Variants in DCPS observed in about 807,000 individuals in gnomAD.
DCPS encodes the protein m7GpppX diphosphatase.
Under a neutral mutation model 34.7 loss-of-function variants are expected in DCPS, and 27 were observed. The observed-to-expected ratio is 0.78, with a 90% confidence interval of 0.57 to 1.07. The LOEUF (loss-of-function observed/expected upper bound fraction) is 1.07. DCPS is among the 50% of genes least tolerant of loss of function. DCPS has a pLI of 0.00. For missense variants in DCPS, 464 were observed against 436.9 expected, an observed-to-expected ratio of 1.06 and a Z score of -0.55; for synonymous variants, 185 against 185.7, an observed-to-expected ratio of 1.00 and a Z score of 0.03.
chr11:126,338,045 C>A lies in DCPS; in HGVS notation c.523-241C>A. The A allele has an allele frequency of 1.9e-6, 1 of 535,140 alleles. No individual in the cohort carries two copies. Among genetic ancestry groups the A allele is most frequent in the Non-Finnish European group, 3.4e-6 (1 of 296,340 alleles). 33.1% of individuals were successfully genotyped at this position (535,140 alleles called of 1,614,324 possible). On this transcript the variant is annotated intron_variant, in intron 3 of 5. Transcript: ENST00000263579. This position sits in a 1 kb window ranked among gnomAD's most constrained non-coding sequence, Gnocchi z 5.4. ...CCTGGCCCCTTCCAAGCTGCAGAGA[C>A]CCTTGTGATGACGCATGGCTGAGTG...
chr11:126,319,353 A>G lies in DCPS; in HGVS notation c.377-12052A>G, dbSNP rs1951686203. 1.3e-5 allele frequency among the ~76,000 whole-genome samples: 2 copies of G among 152,154 alleles called. No individual in the cohort carries two copies. Among genetic ancestry groups the G allele is most frequent in the Non-Finnish European group, 2.9e-5 (2 of 68,034 alleles). ...AGGATGGTACCACAAATGTAGGCCA[A>G]AACAGCTATTGTTTCTAGTTGTGAG... is the stretch of plus-strand genomic sequence containing the variant. On this transcript the variant is annotated intron_variant, in intron 2 of 5. Coordinates refer to ENST00000263579, the MANE Select transcript of DCPS (RefSeq NM_014026.6). The surrounding 1 kb of genome is among the most constrained non-coding windows in gnomAD (Gnocchi z 4.5).
Position 126,334,206 on chromosome 11 carries a change from A to G in DCPS, c.522+2656A>G, listed in dbSNP as rs1043177510. ...ATAGAAGGATAATTCATGACCCAGT[A>G]TAGGGGACAGAAACAGAAGAGTGGG... On this transcript the variant is annotated intron_variant, in intron 3 of 5. Transcript: ENST00000263579. The surrounding 1 kb of genome is among the most constrained non-coding windows in gnomAD (Gnocchi z 5.5). Among the ~76,000 whole-genome samples the G allele has an allele frequency of 1.3e-5, 2 of 152,204 alleles. No homozygotes were observed. The highest frequency in any genetic ancestry group is 6.5e-5 in the Admixed American group (1 of 15,270).
At position 126,337,916 on chromosome 11, in the gene DCPS, CCT is replaced by C. The variant is rs965051222; in HGVS notation, c.523-369_523-368del. On this transcript the variant is annotated intron_variant, in intron 3 of 5. Coordinates refer to ENST00000263579, the MANE Select transcript of DCPS (RefSeq NM_014026.6). The surrounding 1 kb of genome is among the most constrained non-coding windows in gnomAD (Gnocchi z 5.3). Reference sequence around the variant, plus strand: ...TAGGATCCATGGAGGCAGCTCTTCCCCTGAGTCCTGTGAGCGGTGGAGGGGGT... The same window carrying C: ...TAGGATCCATGGAGGCAGCTCTTCCCGAGTCCTGTGAGCGGTGGAGGGGGT... The C allele has an allele frequency of 8.5e-5, 19 of 222,550 alleles. No homozygotes were observed. Among genetic ancestry groups the C allele is most frequent in the South Asian group, 2.9e-4 (4 of 13,572 alleles). 13.8% of individuals were successfully genotyped at this position (222,550 alleles called of 1,614,324 possible).
rs1410592211 is a variant in DCPS at position 126,342,617 on chromosome 11, C to G, written c.637-690C>G. 6.6e-6 allele frequency among the ~76,000 whole-genome samples: 1 copy of G among 152,188 alleles called. No homozygotes were observed. The highest frequency in any genetic ancestry group is 2.4e-5 in the African/African-American group (1 of 41,444). ...TTCCAGGAGGCCTTCCTGGGTTCAT[C>G]CAGGTAGCTAGAGTCTTTCCTTCCT... On this transcript the variant is annotated intron_variant, in intron 4 of 5. Coordinates refer to ENST00000263579, the MANE Select transcript of DCPS (RefSeq NM_014026.6). The surrounding 1 kb of genome is among the most constrained non-coding windows in gnomAD (Gnocchi z 4.4).
chr11:126,338,512 C>A lies in DCPS; in HGVS notation c.636+113C>A. The stretch of plus-strand genomic sequence containing the variant: ...CTGTCTCTAAGCAGATTATAATTAA[C>A]CAACAAGGGTTGGCCTGAGCTCTCT... On this transcript the variant is annotated intron_variant, in intron 4 of 5. Transcript: ENST00000263579. This position sits in a 1 kb window ranked among gnomAD's most constrained non-coding sequence, Gnocchi z 5.4. 1.0e-6 allele frequency: 1 copy of A among 987,110 alleles called. No individual in the cohort carries two copies. Among genetic ancestry groups the A allele is most frequent in the Non-Finnish European group, 1.6e-6 (1 of 634,718 alleles). 61.1% of individuals were successfully genotyped at this position (987,110 alleles called of 1,614,324 possible).
chr11:126,328,823 C>A lies in DCPS; in HGVS notation c.377-2582C>A, dbSNP rs1951759850. Among the ~76,000 whole-genome samples, 1 of 152,182 alleles carries A rather than the reference C, an allele frequency of 6.6e-6. No individual in the cohort carries two copies. The highest frequency in any genetic ancestry group is 2.4e-5 in the African/African-American group (1 of 41,448). ...CTAGCCTGGGGGGAGCGCTTTTCTC[C>A]ATGTGAGGCACTTCCTGAATCTTTC... On this transcript the variant is annotated intron_variant, in intron 2 of 5. Transcript: ENST00000263579. The surrounding 1 kb of genome is among the most constrained non-coding windows in gnomAD (Gnocchi z 6.6).
At position 126,347,330 on chromosome 11, in the gene DCPS, TCTC is replaced by T. The variant is rs772118437; in HGVS notation, c.*1720_*1722del. Among the ~76,000 whole-genome samples, 2 of 151,652 alleles carry T rather than the reference TCTC, an allele frequency of 1.3e-5. No individual in the cohort carries two copies. The highest frequency in any genetic ancestry group is 2.9e-5 in the Non-Finnish European group (2 of 67,944). ...CCTCTGCCTCCTGGGTTCAAGTGAT[TCTC>T]CTGCCTCAGCCTCCTGAGTAGCTGG... On this transcript the variant is annotated 3_prime_UTR_variant, in exon 6 of 6. Coordinates refer to ENST00000263579, the MANE Select transcript of DCPS (RefSeq NM_014026.6). The surrounding 1 kb of genome is among the most constrained non-coding windows in gnomAD (Gnocchi z 4.2).
At chr11:126,311,924 GAGTT>G (rs924456193) in intron 2 of DCPS, among the ~76,000 whole-genome samples, 22 of 152,276 alleles carry the variant, frequency 1.4e-4, no homozygotes, top group East Asian at 1.2e-3. Flanking sequence ...TTTATTTATT[GAGTT>G]AGTTAGTTAG....
At position 126,347,996 on chromosome 11, in the gene DCPS, C is replaced by G. The variant is rs531314629; in HGVS notation, c.*2383C>G. Among the ~76,000 whole-genome samples the G allele has an allele frequency of 1.3e-3, 193 of 152,246 alleles. No homozygotes were observed. The highest frequency in any genetic ancestry group is 2.5e-3 in the Non-Finnish European group (168 of 68,018). The stretch of plus-strand genomic sequence containing the variant: ...CCAGTGGTGCTGCTGGAGGGTCTGA[C>G]TCCACGGGCTCCCGCTGACCTTGCC... On this transcript the variant is annotated 3_prime_UTR_variant, in exon 6 of 6. Coordinates refer to ENST00000263579, the MANE Select transcript of DCPS (RefSeq NM_014026.6). The surrounding 1 kb of genome is among the most constrained non-coding windows in gnomAD (Gnocchi z 4.2).
chr11:126,324,473 T>C (rs77724421), intron 2 of DCPS, among the ~76,000 whole-genome samples: 2 of 151,726 alleles, frequency 1.3e-5, no homozygotes, highest in African/African-American at 2.4e-5. Flanking sequence ...TTTTTTTTTT[T>C]AGACAGGGTC....
In DCPS at chr11:126,322,247, C is replaced by T. The variant is rs1951712735; in HGVS notation, c.377-9158C>T. On this transcript the variant is annotated intron_variant, in intron 2 of 5. Transcript: ENST00000263579. This position sits in a 1 kb window ranked among gnomAD's most constrained non-coding sequence, Gnocchi z 4.2. The stretch of plus-strand genomic sequence containing the variant: ...TCTCAGACTCCACAACAACAGCATT[C>T]AGATCTTCTTATTTTTATTTATTTT... Among the ~76,000 whole-genome samples, 1 of 151,718 alleles carries T rather than the reference C, an allele frequency of 6.6e-6. No individual in the cohort carries two copies. Among genetic ancestry groups the T allele is most frequent in the Non-Finnish European group, 1.5e-5 (1 of 67,918 alleles).
intron 2 of DCPS, among the ~76,000 whole-genome samples, chr11:126,326,107 A>T (rs1014049940): frequency 6.6e-6 from 1 of 152,218 alleles, no homozygotes; most frequent in Non-Finnish European, 1.5e-5. Context: ...ACAGAGCAAG[A>T]TTCCATCTCA....
At position 126,332,325 on chromosome 11, in the gene DCPS, G is replaced by A. The variant is rs1345311528; in HGVS notation, c.522+775G>A. Among the ~76,000 whole-genome samples, 5 of 152,152 alleles carry A rather than the reference G, an allele frequency of 3.3e-5. No homozygotes were observed. The highest frequency in any genetic ancestry group is 5.9e-5 in the Non-Finnish European group (4 of 68,022). ...ACTCCTCCCTGGGCCTAGGCCCAGC[G>A]CCAACTGGAGCCTCTGCCTGGAACT... is the stretch of plus-strand genomic sequence containing the variant. On this transcript the variant is annotated intron_variant, in intron 3 of 5. Transcript: ENST00000263579. The surrounding 1 kb of genome is among the most constrained non-coding windows in gnomAD (Gnocchi z 5.4).
At chr11:126,314,947 G>A (rs188031730) in intron 2 of DCPS, among the ~76,000 whole-genome samples, 50 of 152,100 alleles carry the variant, frequency 3.3e-4, no homozygotes, top group African/African-American at 1.2e-3. Flanking sequence ...ATTCACGTAA[G>A]TTCCTACCTG....
In DCPS at chr11:126,312,736, C is replaced by T. The variant is rs754988433; in HGVS notation, c.376+5992C>T. Among the ~76,000 whole-genome samples the T allele has an allele frequency of 9.9e-5, 15 of 152,222 alleles. No homozygotes were observed. Among genetic ancestry groups the T allele is most frequent in the Non-Finnish European group, 1.9e-4 (13 of 68,020 alleles). Reference sequence around the variant, plus strand: ...CCATTAAGAGAAGGTGTATAGAGCACGTGGCACAGTAGCTGTCATATGGTC... The same window carrying T: ...CCATTAAGAGAAGGTGTATAGAGCATGTGGCACAGTAGCTGTCATATGGTC... On this transcript the variant is annotated intron_variant, in intron 2 of 5. Coordinates refer to ENST00000263579, the MANE Select transcript of DCPS (RefSeq NM_014026.6). The surrounding 1 kb of genome is among the most constrained non-coding windows in gnomAD (Gnocchi z 5.1).
Position 126,319,113 on chromosome 11 carries a change from C to T in DCPS, c.377-12292C>T. Among the ~76,000 whole-genome samples, 1 of 152,158 alleles carries T rather than the reference C, an allele frequency of 6.6e-6. No individual in the cohort carries two copies. Among genetic ancestry groups the T allele is most frequent in the Non-Finnish European group, 1.5e-5 (1 of 68,028 alleles). ...CTGTGTTAGTCCGGGGCACATCAGC[C>T]TGCTCATCTGAGTTGCAGAGAGAAG... On this transcript the variant is annotated intron_variant, in intron 2 of 5. Transcript: ENST00000263579. The surrounding 1 kb of genome is among the most constrained non-coding windows in gnomAD (Gnocchi z 4.5).
Position 126,338,074 on chromosome 11 carries a change from G to C in DCPS, c.523-212G>C. 1.7e-6 allele frequency: 1 copy of C among 572,402 alleles called. No individual in the cohort carries two copies. Among genetic ancestry groups the C allele is most frequent in the South Asian group, 2.0e-5 (1 of 49,656 alleles). The allele number at this position is 572,402 out of a possible 1,614,324, so 35.5% of individuals were successfully genotyped here. A position where few individuals can be genotyped will look rare whatever the true frequency, so the allele number is the denominator to read the frequency against. On this transcript the variant is annotated intron_variant, in intron 3 of 5. Transcript: ENST00000263579. This position sits in a 1 kb window ranked among gnomAD's most constrained non-coding sequence, Gnocchi z 5.4. ...TGTGATGACGCATGGCTGAGTGCCA[G>C]CTGGAGTGGGAAGGGGGAAGTCCCT...
rs1281993554 is a variant in DCPS, at chr11:126,325,926, T to G, written c.377-5479T>G. On this transcript the variant is annotated intron_variant, in intron 2 of 5. Transcript: ENST00000263579. This position sits in a 1 kb window ranked among gnomAD's most constrained non-coding sequence, Gnocchi z 4.3. The stretch of plus-strand genomic sequence containing the variant: ...CGAGATCAGGAAATCGAGGCCATCC[T>G]GGCCAACTTGGTGAAACCCTGTCTC... Among the ~76,000 whole-genome samples the G allele has an allele frequency of 1.3e-5, 2 of 152,118 alleles. No homozygotes were observed. Among genetic ancestry groups the G allele is most frequent in the Non-Finnish European group, 2.9e-5 (2 of 68,016 alleles).
chr11:126,320,064 G>A lies in DCPS; in HGVS notation c.377-11341G>A, dbSNP rs1951692934. ...CACCCAGGCTGGAGTGTAGTGAGGC[G>A]GTCTTGACTCTCCATCTTTACCATC... On this transcript the variant is annotated intron_variant, in intron 2 of 5. Coordinates refer to ENST00000263579, the MANE Select transcript of DCPS (RefSeq NM_014026.6). The surrounding 1 kb of genome is among the most constrained non-coding windows in gnomAD (Gnocchi z 4.7). 6.7e-6 allele frequency among the ~76,000 whole-genome samples: 1 copy of A among 149,976 alleles called. No individual in the cohort carries two copies. The highest frequency in any genetic ancestry group is 2.1e-4 in the South Asian group (1 of 4,754).
Sources: gnomAD v4.1 joint callset for allele counts (sites outside exome capture counted in the v4.1 genomes callset) on GRCh38, gnomAD v4.1.1 for gene constraint, Gnocchi (gnomAD v3.1) non-coding constraint, MANE v1.5 for transcripts, NCBI Gene and HGNC (gene_info 2026-07-23, HGNC 2026-07-21) for gene names.